Variants in CA10 observed in about 807,000 individuals in gnomAD.
The protein encoded by CA10 is carbonic anhydrase-related protein 10.
A neutral mutation model predicts 44.2 loss-of-function variants in CA10; 14 were observed. That is an observed-to-expected ratio of 0.32 (90% CI 0.21 to 0.50). CA10 has a LOEUF of 0.50. CA10 is among the 20% of genes least tolerant of loss of function. The pLI, the probability that CA10 is intolerant of heterozygous loss-of-function variation, is 0.99. For missense variants in CA10, 350 were observed against 409.7 expected (o/e 0.85, Z 1.26); for synonymous variants, 159 against 141.6 (o/e 1.12, Z -0.87).
chr17:51,757,926 T>C (rs997741964), intron 3 of CA10, among the ~76,000 whole-genome samples: 1 of 151,978 alleles, frequency 6.6e-6, no homozygotes, highest in African/African-American at 2.4e-5. Flanking sequence ...GCTCGTAGGC[T>C]GGGGCTGTTA....
intron 2 of CA10, among the ~76,000 whole-genome samples, chr17:52,008,086 C>G (rs1010571705): frequency 6.6e-6 from 1 of 151,446 alleles, no homozygotes; most frequent in Non-Finnish European, 1.5e-5. Flanking sequence ...ATCAGTCTTG[C>G]TAATTTATTC....
At chr17:51,941,966 T>G (rs1395893695) in intron 2 of CA10, among the ~76,000 whole-genome samples, 1 of 152,110 alleles carries the variant, frequency 6.6e-6, no homozygotes, top group African/African-American at 2.4e-5. Context: ...ACATGCAAAA[T>G]TATACCCTTA....
intron 2 of CA10, among the ~76,000 whole-genome samples, chr17:51,978,761 T>C (rs551368175): frequency 6.6e-6 from 1 of 152,068 alleles, no homozygotes; most frequent in Non-Finnish European, 1.5e-5. Flanking sequence ...GCTCCATGGT[T>C]GCCTGAATGC....
chr17:52,000,966 T>C (rs1312625412), intron 2 of CA10, among the ~76,000 whole-genome samples: 1 of 151,998 alleles, frequency 6.6e-6, no homozygotes, highest in Non-Finnish European at 1.5e-5. Context: ...AACAGTACAG[T>C]ACTTATCTCA....
intron 1 of CA10, among the ~76,000 whole-genome samples, chr17:52,094,819 G>A (rs546918722): frequency 1.3e-5 from 2 of 152,232 alleles, no homozygotes; most frequent in Admixed American, 6.5e-5. Flanking sequence ...GCAAGTATTG[G>A]CAGGAATGTG....
chr17:51,671,332 C>A (rs1914411842), intron 4 of CA10, among the ~76,000 whole-genome samples: 1 of 152,146 alleles, frequency 6.6e-6, no homozygotes. Flanking sequence ...ACAACATACA[C>A]CTACTGCTGA....
At chr17:52,149,445 C>T (rs898992699) in intron 1 of CA10, among the ~76,000 whole-genome samples, 6 of 152,182 alleles carry the variant, frequency 3.9e-5, no homozygotes, top group East Asian at 1.9e-4. Flanking sequence ...CTGGCTATCC[C>T]GTTACCAGCC....
intron 3 of CA10, among the ~76,000 whole-genome samples, chr17:51,779,444 C>T (rs1002227295): frequency 1.3e-5 from 2 of 152,178 alleles, no homozygotes; most frequent in African/African-American, 4.8e-5. Context: ...ATGATTCACA[C>T]AGGGTTACGC....
At chr17:51,658,226 T>C (rs567647021) in intron 4 of CA10, among the ~76,000 whole-genome samples, 3 of 152,274 alleles carry the variant, frequency 2.0e-5, no homozygotes, top group South Asian at 2.1e-4. Flanking sequence ...ACCTCAATCC[T>C]TTACATGGGC....
intron 1 of CA10, among the ~76,000 whole-genome samples, chr17:52,141,452 AG>A (rs1207192344): frequency 3.3e-5 from 5 of 152,322 alleles, no homozygotes; most frequent in Non-Finnish European, 7.4e-5. Context: ...TCAGGTACCC[AG>A]TTTATCCTCC....
intron 6 of CA10, among the ~76,000 whole-genome samples, chr17:51,637,601 T>C (rs1422900334): frequency 6.6e-6 from 1 of 152,240 alleles, no homozygotes; most frequent in Non-Finnish European, 1.5e-5. Context: ...AGGGAACCTC[T>C]TCAGTTTAGT....
chr17:51,820,405 A>ACCCCCCC (rs748623140), intron 3 of CA10, among the ~76,000 whole-genome samples: 4 of 39,202 alleles, frequency 1.0e-4, no homozygotes, highest in African/African-American at 3.4e-4. Context: ...GGATTCCCCT[A>ACCCCCCC]CCCCCCCCCC....
intron 1 of CA10, among the ~76,000 whole-genome samples, chr17:52,079,077 G>A (rs997288616): frequency 1.3e-5 from 2 of 152,192 alleles, no homozygotes; most frequent in Admixed American, 6.5e-5. Flanking sequence ...ACGAGGTCAG[G>A]AGATCGAGAC....
At chr17:51,707,704 T>TGTGTGTGTG (rs1555587873) in intron 4 of CA10, among the ~76,000 whole-genome samples, 6 of 151,442 alleles carry the variant, frequency 4.0e-5, no homozygotes, top group South Asian at 4.2e-4. Context: ...TGTGTGTGTG[T>TGTGTGTGTG]TTCTCATGTT....
intron 2 of CA10, among the ~76,000 whole-genome samples, chr17:52,009,723 A>C (rs895936309): frequency 6.6e-6 from 1 of 152,094 alleles, no homozygotes; most frequent in Admixed American, 6.6e-5. Context: ...CAGAATGAGC[A>C]AATTCAACAA....
At chr17:52,112,939 T>G (rs1988817131) in intron 1 of CA10, among the ~76,000 whole-genome samples, 1 of 152,190 alleles carries the variant, frequency 6.6e-6, no homozygotes, top group African/African-American at 2.4e-5. Flanking sequence ...AAGCCATTTC[T>G]TTTCTTTTCC....
At chr17:51,721,216 C>T (rs1916339038) in intron 4 of CA10, among the ~76,000 whole-genome samples, 1 of 152,076 alleles carries the variant, frequency 6.6e-6, no homozygotes, top group South Asian at 2.1e-4. Flanking sequence ...CCTGTGATCC[C>T]AGCTACTGGG....
At chr17:52,083,948 A>C (rs574418482) in intron 1 of CA10, among the ~76,000 whole-genome samples, 1 of 152,340 alleles carries the variant, frequency 6.6e-6, no homozygotes, top group East Asian at 1.9e-4. Context: ...TGCAGATTGA[A>C]TGGTAGTCTA....
At chr17:51,798,728 A>G (rs1325502046) in intron 3 of CA10, among the ~76,000 whole-genome samples, 1 of 152,234 alleles carries the variant, frequency 6.6e-6, no homozygotes, top group East Asian at 1.9e-4. Context: ...AAAAGGCAAG[A>G]GAAGTCAGAG....
Sources: gnomAD v4.1 joint callset for allele counts (sites outside exome capture counted in the v4.1 genomes callset) on GRCh38, gnomAD v4.1.1 for gene constraint, MANE v1.5 for transcripts, NCBI Gene and HGNC (gene_info 2026-07-23, HGNC 2026-07-21) for gene names.